WIPF2: variants seen among roughly 807,000 people sequenced by gnomAD.
The protein encoded by WIPF2 is WAS/WASL-interacting protein family member 2.
A neutral mutation model predicts 38.8 loss-of-function variants in WIPF2; 23 were observed. That is an observed-to-expected ratio of 0.59 (90% confidence interval 0.43 to 0.84). The LOEUF (loss-of-function observed/expected upper bound fraction) is 0.84. Ranked by LOEUF, WIPF2 falls within the 40% of genes least tolerant of loss-of-function variation. WIPF2 has a pLI of 0.00. For missense variants in WIPF2, 574 were observed against 580.5 expected, an observed-to-expected ratio of 0.99 and a Z score of 0.11; for synonymous variants, 210 against 223.2, an observed-to-expected ratio of 0.94 and a Z score of 0.53.
chr17:40,265,076 C>T lies in WIPF2; in HGVS notation c.900C>T (p.Thr300=). 1.2e-6 allele frequency: 2 copies of T among 1,613,950 alleles called. No homozygotes were observed. The highest frequency in any genetic ancestry group is 8.5e-7 in the Non-Finnish European group (1 of 1,179,996). The change falls in exon 5 of 8, where the codon ACC becomes ACT. Residue 300 remains threonine, a synonymous_variant. Coordinates refer to ENST00000323571, the MANE Select transcript of WIPF2 (RefSeq NM_133264.5). ...PVRGLAPPPP[T]SASPSLLSNR... Reference sequence around the variant, plus strand: ...GAGGCCTAGCACCTCCTCCACCCACCTCGGCCTCCCCATCTTTACTGAGTA... The same window carrying T: ...GAGGCCTAGCACCTCCTCCACCCACTTCGGCCTCCCCATCTTTACTGAGTA...
In WIPF2 at chr17:40,273,847, C is replaced by G. The variant is rs369059320; in HGVS notation, c.1028C>G (p.Pro343Arg). 5.0e-6 allele frequency: 8 copies of G among 1,586,740 alleles called. No individual in the cohort carries two copies. Among genetic ancestry groups the G allele is most frequent in the African/African-American group, 1.4e-5 (1 of 73,884 alleles). ...RNGARDAPPP[P>R]PPYRMHGSEP... ...GGTGCCAGGGATGCTCCCCCTCCCC[C>G]ACCACCATACCGAATGCATGGGTCA... is the stretch of plus-strand genomic sequence containing the variant. Residue 343 changes from proline to arginine, a missense_variant, in exon 6 of 8, where the codon CCA (proline) becomes CGA (arginine). Coordinates refer to ENST00000323571, the MANE Select transcript of WIPF2 (RefSeq NM_133264.5).
chr17:40,277,612 C>T (rs756527951), intron 7 of WIPF2, among the ~76,000 whole-genome samples: 5 of 151,054 alleles, frequency 3.3e-5, no homozygotes, highest in Non-Finnish European at 5.9e-5. Flanking sequence ...ACCCAGGAGG[C>T]GGAGGTTGCA....
At position 40,226,388 on chromosome 17, in the gene WIPF2, T is replaced by C. The variant is rs1263627296; in HGVS notation, c.-70+6896T>C. Among the ~76,000 whole-genome samples the C allele has an allele frequency of 2.6e-5, 4 of 151,536 alleles. No homozygotes were observed. In the East Asian group the frequency reaches 7.8e-4, roughly 30 times the overall value. The stretch of plus-strand genomic sequence containing the variant: ...CCGGCTAATTTAATTTTTTTTTTTT[T>C]GTATTTTTAGTAGAGACGGGATTTC... On this transcript the variant is annotated intron_variant, in intron 1 of 7. Coordinates refer to ENST00000323571, the MANE Select transcript of WIPF2 (RefSeq NM_133264.5).
In WIPF2 at chr17:40,283,427, TG is replaced by T. The variant is rs1787999469; in HGVS notation, c.*5203del. ...GCCTGGCTAATTTTGAAAATTTTTT[TG>T]TAAAGACAGGGTCTCCCTATGTTGC... is the stretch of plus-strand genomic sequence containing the variant. On this transcript the variant is annotated 3_prime_UTR_variant, in exon 8 of 8. Coordinates refer to ENST00000323571, the MANE Select transcript of WIPF2 (RefSeq NM_133264.5). 1 of 151,936 alleles carries T rather than the reference TG, an allele frequency of 6.6e-6. No homozygotes were observed. Among genetic ancestry groups the T allele is most frequent in the Admixed American group, 6.6e-5 (1 of 15,226 alleles). The allele number at this position is 151,936 out of a possible 1,614,324, so 9.4% of individuals were successfully genotyped here. A position where few individuals can be genotyped will look rare whatever the true frequency, so the allele number is the denominator to read the frequency against.
chr17:40,239,926 A>C (rs1356867303), intron 1 of WIPF2, among the ~76,000 whole-genome samples: 1 of 151,320 alleles, frequency 6.6e-6, no homozygotes, highest in African/African-American at 2.4e-5. Context: ...TGAACTCCTG[A>C]CCTCAGGTGT....
intron 1 of WIPF2, among the ~76,000 whole-genome samples, chr17:40,247,707 A>G (rs2031418975): frequency 2.7e-5 from 4 of 149,642 alleles, no homozygotes; most frequent in Middle Eastern, 3.6e-3. Flanking sequence ...TTTTTAGTAG[A>G]GATGGGGTTT....
chr17:40,231,966 A>C (rs545468947), intron 1 of WIPF2, among the ~76,000 whole-genome samples: 105 of 134,120 alleles, frequency 7.8e-4, no homozygotes, highest in Non-Finnish European at 1.4e-3. Context: ...AGTTAGTGGC[A>C]TTACATTGAA....
At chr17:40,232,141 T>C (rs2030770777) in intron 1 of WIPF2, among the ~76,000 whole-genome samples, 2 of 147,596 alleles carry the variant, frequency 1.4e-5, no homozygotes, top group Non-Finnish European at 3.0e-5. Context: ...GCGTCCTGAG[T>C]AGCTGGGATT....
At chr17:40,269,355 A>G (rs370132234) in intron 5 of WIPF2, among the ~76,000 whole-genome samples, 3 of 151,432 alleles carry the variant, frequency 2.0e-5, no homozygotes, top group Non-Finnish European at 4.4e-5. Flanking sequence ...AAATAAATTT[A>G]AGAAACCTAG....
intron 6 of WIPF2, among the ~76,000 whole-genome samples, chr17:40,276,703 A>G (rs2032412066): frequency 6.6e-6 from 1 of 151,926 alleles, no homozygotes; most frequent in African/African-American, 2.4e-5. Flanking sequence ...GCCTGAGCAC[A>G]GGAGTTTGAG....
chr17:40,265,200 T>G, intron 5 of WIPF2, 54 bp downstream of exon 5: 1 of 1,527,836 alleles, frequency 6.5e-7, no homozygotes, highest in Non-Finnish European at 8.8e-7. Context: ...GATTTTATCT[T>G]TCCCCAGAGC....
chr17:40,272,083 G>A (rs769671526), intron 5 of WIPF2, among the ~76,000 whole-genome samples: 1 of 150,876 alleles, frequency 6.6e-6, no homozygotes, highest in Non-Finnish European at 1.5e-5. Flanking sequence ...GCAATGGCAC[G>A]ATCTTGGATC....
chr17:40,258,556 A>C (rs1280143985), intron 2 of WIPF2, among the ~76,000 whole-genome samples: 1 of 151,926 alleles, frequency 6.6e-6, no homozygotes, highest in East Asian at 1.9e-4. Flanking sequence ...GCGCCACTGC[A>C]CTCCAGCCTG....
Position 40,283,613 on chromosome 17 carries a change from C to G in WIPF2, c.*5388C>G, listed in dbSNP as rs368886008. The G allele has an allele frequency of 9.8e-5, 15 of 152,302 alleles. No individual in the cohort carries two copies. In the East Asian group the frequency reaches 1.9e-3, roughly 20 times the overall value. The allele number at this position is 152,302 out of a possible 1,614,324, so 9.4% of individuals were successfully genotyped here. On this transcript the variant is annotated 3_prime_UTR_variant, in exon 8 of 8. Transcript: ENST00000323571. ...GATTTCAGGGAACCTAGGAGGCTTC[C>G]TGGCCTTGTGACCTTTTCCTTGAAT...
chr17:40,278,140 G>A, intron 7 of WIPF2, 45 bp from the exon 8 acceptor site: 34 of 1,594,918 alleles, frequency 2.1e-5, no homozygotes, highest in Non-Finnish European at 2.9e-5. Flanking sequence ...TCAGATTCTG[G>A]TGGGTGACCT....
At chr17:40,238,948 C>G (rs1295089883) in intron 1 of WIPF2, among the ~76,000 whole-genome samples, 2 of 151,962 alleles carry the variant, frequency 1.3e-5, no homozygotes, top group Non-Finnish European at 2.9e-5. Flanking sequence ...CTGTGGGGCT[C>G]AGGCTGGATT....
chr17:40,249,991 C>A (rs562857791), intron 1 of WIPF2, among the ~76,000 whole-genome samples: 3 of 151,386 alleles, frequency 2.0e-5, no homozygotes, highest in Non-Finnish European at 4.4e-5. Flanking sequence ...TGCCACCATG[C>A]CTGGCTAATT....
In WIPF2 at chr17:40,223,378, C is replaced by T. The variant is rs910685138; in HGVS notation, c.-70+3886C>T. Among the ~76,000 whole-genome samples, 63 of 151,974 alleles carry T rather than the reference C, an allele frequency of 4.1e-4. 1 individual carries two copies. The highest frequency in any genetic ancestry group is 1.5e-3 in the African/African-American group (63 of 41,316). On this transcript the variant is annotated intron_variant, in intron 1 of 7. Coordinates refer to ENST00000323571, the MANE Select transcript of WIPF2 (RefSeq NM_133264.5). The stretch of plus-strand genomic sequence containing the variant: ...GGTCATTTACTAATTCCACCTCACA[C>T]TTGATACTAGAGTAGTGTTTACCCT...
At chr17:40,266,129 C>T (rs2032078017) in intron 5 of WIPF2, among the ~76,000 whole-genome samples, 1 of 150,530 alleles carries the variant, frequency 6.6e-6, no homozygotes, top group African/African-American at 2.4e-5. Context: ...AAGAAGAGGC[C>T]TAGGAGGCTG....
Sources: gnomAD v4.1 joint callset for allele counts (sites outside exome capture counted in the v4.1 genomes callset) on GRCh38, gnomAD v4.1.1 for gene constraint, MANE v1.5 for transcripts, NCBI Gene and HGNC (gene_info 2026-07-23, HGNC 2026-07-21) for gene names.